SEMA3E: variants seen among roughly 807,000 people sequenced by gnomAD.
The protein encoded by SEMA3E is semaphorin 3E.
In SEMA3E, 49 loss-of-function variants were observed where a neutral mutation model predicts 93.6. The ratio of observed to expected loss-of-function variants is 0.52; its 90% confidence interval spans 0.42 to 0.66. The LOEUF (loss-of-function observed/expected upper bound fraction) is 0.66. Ranked by LOEUF, SEMA3E falls within the 30% of genes least tolerant of loss-of-function variation. The probability of loss-of-function intolerance (pLI) is 0.00; values close to 1 mark genes in which losing one functional copy is unlikely to be tolerated. For synonymous variants in SEMA3E, 363 were observed against 330.7 expected (o/e 1.10, Z -1.06); for missense variants, 906 against 964.8 (o/e 0.94, Z 0.81).
At chr7:83,580,852 C>G (rs1005008063) in intron 1 of SEMA3E, among the ~76,000 whole-genome samples, 1 of 151,800 alleles carries the variant, frequency 6.6e-6, no homozygotes, top group African/African-American at 2.4e-5. Flanking sequence ...AATATTTGTT[C>G]AATAAATACA....
At chr7:83,465,595 C>T (rs1160847399) in intron 4 of SEMA3E, among the ~76,000 whole-genome samples, 1 of 151,940 alleles carries the variant, frequency 6.6e-6, no homozygotes, top group African/African-American at 2.4e-5. Context: ...ATTTTATGGC[C>T]ACTGCTGCAC....
intron 4 of SEMA3E, among the ~76,000 whole-genome samples, chr7:83,424,478 C>G: frequency 6.6e-6 from 1 of 152,162 alleles, no homozygotes. Flanking sequence ...CTCCGGCCTA[C>G]TCACATCTTT....
At chr7:83,505,153 G>T (rs1183535896) in intron 1 of SEMA3E, among the ~76,000 whole-genome samples, 1 of 152,030 alleles carries the variant, frequency 6.6e-6, no homozygotes, top group Non-Finnish European at 1.5e-5. Context: ...TTTAATAAAA[G>T]GTCATAGATA....
In SEMA3E at chr7:83,630,569, T is replaced by C. The variant is rs115948654; in HGVS notation, c.115+17859A>G. Among the ~76,000 whole-genome samples, 733 of 152,290 alleles carry C rather than the reference T, an allele frequency of 4.8e-3. 6 individuals are homozygous for C. Among genetic ancestry groups the C allele is most frequent in the African/African-American group, 0.015 (627 of 41,568 alleles). On this transcript the variant is annotated intron_variant, in intron 1 of 16. Coordinates refer to ENST00000643230, the MANE Select transcript of SEMA3E (RefSeq NM_012431.3). The stretch of plus-strand genomic sequence containing the variant: ...GCAGTGAGTCTGTCATGTGTTATCT[T>C]CTGAGATCAGACATCCTTGTTTATC...
At chr7:83,595,628 C>A (rs1792855725) in intron 1 of SEMA3E, among the ~76,000 whole-genome samples, 1 of 151,956 alleles carries the variant, frequency 6.6e-6, no homozygotes, top group Middle Eastern at 3.2e-3. Context: ...CCTTTCCATG[C>A]CTTTCATGAT....
intron 1 of SEMA3E, among the ~76,000 whole-genome samples, chr7:83,646,959 TA>T (rs1403756149): frequency 1.4e-4 from 22 of 152,096 alleles, no homozygotes; most frequent in Non-Finnish European, 7.4e-5. Context: ...CAATCAATTA[TA>T]TTTTTTTGCA....
intron 1 of SEMA3E, among the ~76,000 whole-genome samples, chr7:83,496,364 G>T (rs1192342670): frequency 6.6e-6 from 1 of 151,796 alleles, no homozygotes; most frequent in African/African-American, 2.4e-5. Context: ...AAGATAGAAG[G>T]TTTTCAAAAT....
intron 5 of SEMA3E, among the ~76,000 whole-genome samples, chr7:83,414,752 A>C (rs1215891444): frequency 1.3e-5 from 2 of 152,112 alleles, no homozygotes; most frequent in East Asian, 3.9e-4. Flanking sequence ...CTTTCAAAGC[A>C]AAGTTTCAAA....
At chr7:83,455,868 G>A (rs1425479014) in intron 4 of SEMA3E, among the ~76,000 whole-genome samples, 1 of 152,194 alleles carries the variant, frequency 6.6e-6, no homozygotes, top group African/African-American at 2.4e-5. Context: ...CAACTGCAAG[G>A]AAGTGAATTC....
At chr7:83,600,486 A>ATTTTTTTTTTTTTTTTT (rs71522671) in intron 1 of SEMA3E, among the ~76,000 whole-genome samples, 20 of 63,076 alleles carry the variant, frequency 3.2e-4, no homozygotes, top group South Asian at 1.3e-3. Context: ...CGCCCAGCTA[A>ATTTTTTTTTTTTTTTTT]TTTTTTTTTT....
At chr7:83,648,383 CTTTT>C (rs372307036) in intron 1 of SEMA3E, 41 bp downstream of exon 1, 38 of 1,159,434 alleles carry the variant, frequency 3.3e-5, no homozygotes, top group Admixed American at 1.3e-4. Flanking sequence ...TTTTCTTTTT[CTTTT>C]TTTTTTTTTT....
intron 1 of SEMA3E, among the ~76,000 whole-genome samples, chr7:83,580,223 C>T (rs916545424): frequency 3.3e-5 from 5 of 151,926 alleles, no homozygotes; most frequent in African/African-American, 1.2e-4. Flanking sequence ...GTTTCTATTG[C>T]TTACTTTTAA....
chr7:83,374,369 A>C (rs1285603901), intron 16 of SEMA3E, among the ~76,000 whole-genome samples: 1 of 152,302 alleles, frequency 6.6e-6, no homozygotes, highest in African/African-American at 2.4e-5. Context: ...TTGGGAGTCC[A>C]GATGGCACAG....
chr7:83,505,284 C>T (rs1790677423), intron 1 of SEMA3E, among the ~76,000 whole-genome samples: 1 of 151,774 alleles, frequency 6.6e-6, no homozygotes, highest in African/African-American at 2.4e-5. Flanking sequence ...CCAATCAAAA[C>T]AAATAAATGA....
intron 2 of SEMA3E, among the ~76,000 whole-genome samples, chr7:83,475,003 A>T (rs1302336673): frequency 1.3e-5 from 2 of 150,776 alleles, no homozygotes; most frequent in African/African-American, 4.9e-5. Flanking sequence ...TTTATTATAT[A>T]TATATAATAA....
chr7:83,578,469 T>A (rs1160011720), intron 1 of SEMA3E, among the ~76,000 whole-genome samples: 1 of 152,022 alleles, frequency 6.6e-6, no homozygotes, highest in Non-Finnish European at 1.5e-5. Context: ...GGTAGGAGAA[T>A]AGCTTGAACT....
chr7:83,492,607 G>T (rs1448690984), intron 1 of SEMA3E, among the ~76,000 whole-genome samples: 1 of 151,830 alleles, frequency 6.6e-6, no homozygotes, highest in Admixed American at 6.6e-5. Context: ...AGATGTGCAC[G>T]TTTCTGTGGG....
chr7:83,391,678 T>C (rs567530688), intron 14 of SEMA3E, among the ~76,000 whole-genome samples: 1 of 152,130 alleles, frequency 6.6e-6, no homozygotes, highest in African/African-American at 2.4e-5. Context: ...GAAGTTTTAA[T>C]GAGATTCTGC....
At chr7:83,474,272 T>G (rs1789965114) in intron 2 of SEMA3E, among the ~76,000 whole-genome samples, 1 of 152,086 alleles carries the variant, frequency 6.6e-6, no homozygotes, top group African/African-American at 2.4e-5. Context: ...TAATGGGAAT[T>G]TATCAAAGTG....
Sources: allele counts gnomAD v4.1 joint callset (sites outside exome capture counted in the v4.1 genomes callset), GRCh38; gene constraint gnomAD v4.1.1; transcripts MANE v1.5; gene names NCBI Gene and HGNC (gene_info 2026-07-23, HGNC 2026-07-21).